C2CD5: variants seen among roughly 807,000 people sequenced by gnomAD.
C2CD5 encodes the protein C2 domain-containing protein 5.
In C2CD5, 109 loss-of-function variants were observed where a neutral mutation model predicts 130.3. The observed-to-expected ratio is 0.84, with a 90% CI of 0.72 to 0.98. The LOEUF (loss-of-function observed/expected upper bound fraction) is 0.98, where lower values mean the gene tolerates loss of function less well. Among genes scored for constraint, C2CD5 ranks in the 50% least tolerant of loss-of-function variants. The pLI is 0.00. For missense variants in C2CD5, 996 were observed against 1,261.8 expected (o/e 0.79, Z 3.19); for synonymous variants, 454 against 429.2 (o/e 1.06, Z -0.71).
At chr12:22,499,783 TG>T (rs1565735824) in intron 10 of C2CD5, among the ~76,000 whole-genome samples, 1 of 152,230 alleles carries the variant, frequency 6.6e-6, no homozygotes. Context: ...CTCACCTGCC[TG>T]GCATTTCTCA....
intron 12 of C2CD5, among the ~76,000 whole-genome samples, chr12:22,487,954 A>G (rs1272723500): frequency 6.6e-6 from 1 of 151,842 alleles, no homozygotes; most frequent in African/African-American, 2.4e-5. Flanking sequence ...TCACAAGGAC[A>G]AAAAACCAAA....
chr12:22,479,072 C>G (rs1944312922), intron 14 of C2CD5, among the ~76,000 whole-genome samples: 1 of 151,798 alleles, frequency 6.6e-6, no homozygotes, highest in Non-Finnish European at 1.5e-5. Flanking sequence ...ATGTTTCTAC[C>G]TCACAATTTT....
intron 10 of C2CD5, among the ~76,000 whole-genome samples, chr12:22,504,844 G>A (rs1029746862): frequency 9.2e-5 from 14 of 151,470 alleles, no homozygotes; most frequent in African/African-American, 3.1e-4. Flanking sequence ...ATTTGGCATA[G>A]TCTTCAAGAT....
rs1279150830 is a variant in C2CD5, at chr12:22,523,438, T to C, written c.788A>G (p.Lys263Arg). ...GATTCATACTTACTCCTTCATTTCTTTGGATGGGGAATTACATGCAGGAAG... is the reference window on the plus strand; with the variant it reads ...GATTCATACTTACTCCTTCATTTCTCTGGATGGGGAATTACATGCAGGAAG... Reference protein sequence around the residue: ...AFLPACNSPSKEMKEIPFNED... With the variant: ...AFLPACNSPSREMKEIPFNED... The change falls in exon 7 of 27, where the codon AAA becomes AGA. Residue 263 changes from lysine (K) to arginine (R), a missense_variant. By Grantham distance (26) the Lys-to-Arg change is conservative. Coordinates refer to ENST00000446597, the MANE Select transcript of C2CD5 (RefSeq NM_001286176.2). 3 of 1,613,164 alleles carry C rather than the reference T, an allele frequency of 1.9e-6. No homozygotes were observed. The highest frequency in any genetic ancestry group is 2.2e-5 in the South Asian group (2 of 91,044).
At chr12:22,451,920 T>G (rs1449700585) in intron 26 of C2CD5, among the ~76,000 whole-genome samples, 2 of 152,150 alleles carry the variant, frequency 1.3e-5, no homozygotes, top group East Asian at 3.9e-4. Context: ...GTGCTTACAA[T>G]CCACCAGCAC....
intron 3 of C2CD5, among the ~76,000 whole-genome samples, chr12:22,534,124 G>T (rs1951592886): frequency 6.6e-6 from 1 of 152,194 alleles, no homozygotes; most frequent in Non-Finnish European, 1.5e-5. Flanking sequence ...GCAGGCGGAG[G>T]TTGCAGTGAG....
chr12:22,524,998 TA>T (rs1950604218), intron 5 of C2CD5, among the ~76,000 whole-genome samples: 1 of 152,228 alleles, frequency 6.6e-6, no homozygotes, highest in Non-Finnish European at 1.5e-5. Context: ...TGAATTTTTT[TA>T]AATCTTTAAT....
At chr12:22,537,947 C>T (rs1214773412) in intron 2 of C2CD5, among the ~76,000 whole-genome samples, 1 of 152,048 alleles carries the variant, frequency 6.6e-6, no homozygotes, top group African/African-American at 2.4e-5. Context: ...CAAGACTACT[C>T]GTCTTGAAGA....
intron 26 of C2CD5, among the ~76,000 whole-genome samples, chr12:22,451,070 T>C (rs1235244508): frequency 6.6e-6 from 1 of 151,858 alleles, no homozygotes; most frequent in Non-Finnish European, 1.5e-5. Context: ...TCTGGAGTGT[T>C]ACATCTCTAG....
intron 10 of C2CD5, chr12:22,502,925 TAGAC>T (rs1157364023): frequency 3.3e-6 from 2 of 614,262 alleles, no homozygotes; most frequent in Non-Finnish European, 5.8e-6. Context: ...TGGAAAGACA[TAGAC>T]AGCAGAGTTA....
intron 3 of C2CD5, 102 bp downstream of exon 3, chr12:22,535,156 A>T (rs1465409465): frequency 1.4e-6 from 1 of 704,154 alleles, no homozygotes; most frequent in African/African-American, 1.8e-5. Context: ...TTTGTGATGT[A>T]GAAATACTAC....
intron 2 of C2CD5, among the ~76,000 whole-genome samples, chr12:22,535,708 C>T (rs1860869821): frequency 6.6e-6 from 1 of 152,104 alleles, no homozygotes; most frequent in African/African-American, 2.4e-5. Context: ...TTAACCACAT[C>T]AAAAGATGAT....
chr12:22,469,209 A>T (rs1363118289), intron 22 of C2CD5, among the ~76,000 whole-genome samples: 1 of 152,172 alleles, frequency 6.6e-6, no homozygotes, highest in Non-Finnish European at 1.5e-5. Flanking sequence ...ATAAGTACAT[A>T]ACAATGTTCT....
chr12:22,476,510 C>T (rs2136233452), intron 15 of C2CD5, among the ~76,000 whole-genome samples: 1 of 152,140 alleles, frequency 6.6e-6, no homozygotes, highest in East Asian at 1.9e-4. Flanking sequence ...TAGATTTACT[C>T]CCTCCTTCCA....
intron 22 of C2CD5, among the ~76,000 whole-genome samples, chr12:22,465,601 T>A (rs1468477543): frequency 6.6e-6 from 1 of 151,590 alleles, no homozygotes; most frequent in Non-Finnish European, 1.5e-5. Context: ...ATCTCGCTGA[T>A]TTTTTTTACT....
In C2CD5 at chr12:22,528,688, GTTC is replaced by G. The variant is rs774430794; in HGVS notation, c.178-799_178-797del. On this transcript the variant is annotated intron_variant, in intron 3 of 26. Transcript: ENST00000446597. Reference sequence around the variant, plus strand: ...TACTTTTAAAATGCAGTCCATGGATGTTCTTCTTTACATCAGACATACCATACT... The same window carrying G: ...TACTTTTAAAATGCAGTCCATGGATGTTCTTTACATCAGACATACCATACT... Among the ~76,000 whole-genome samples, 35 of 152,270 alleles carry G rather than the reference GTTC, an allele frequency of 2.3e-4. No individual in the cohort carries two copies. In the East Asian group the frequency reaches 3.3e-3, roughly 14 times the overall value.
rs569716344 is a variant in C2CD5 at position 22,494,428 on chromosome 12, A to C, written c.1148-1091T>G. On this transcript the variant is annotated intron_variant, in intron 10 of 26. Transcript: ENST00000446597. ...TATGTTTTTCAAAATTAGTAGAATA[A>C]GTAGAATTATACTCACTAGTAAAAT... Among the ~76,000 whole-genome samples, 3 of 152,210 alleles carry C rather than the reference A, an allele frequency of 2.0e-5. No individual in the cohort carries two copies. The South Asian group carries it at 6.2e-4, about 32-fold the overall frequency.
At chr12:22,519,316 T>C (rs1465467303) in intron 7 of C2CD5, 33 of 1,286,714 alleles carry the variant, frequency 2.6e-5, no homozygotes, top group Non-Finnish European at 3.2e-5. Flanking sequence ...TTAAAATAAT[T>C]TCAAAGGAGC....
intron 14 of C2CD5, among the ~76,000 whole-genome samples, chr12:22,480,218 A>C (rs1482236342): frequency 6.6e-6 from 1 of 152,248 alleles, no homozygotes; most frequent in Non-Finnish European, 1.5e-5. Flanking sequence ...AGACTCTGGC[A>C]TCAGAGAGGC....
Sources: allele counts gnomAD v4.1 joint callset (sites outside exome capture counted in the v4.1 genomes callset), GRCh38; gene constraint gnomAD v4.1.1; transcripts MANE v1.5; gene names NCBI Gene and HGNC (gene_info 2026-07-23, HGNC 2026-07-21).